ZSCAN25: variants seen among roughly 807,000 people sequenced by gnomAD.
ZSCAN25 encodes the protein zinc finger and SCAN domain-containing protein 25.
A neutral mutation model predicts 38.7 loss-of-function variants in ZSCAN25; 27 were observed. The observed-to-expected ratio is 0.70, with a 90% CI of 0.51 to 0.96. ZSCAN25 has a LOEUF of 0.96. Ranked by LOEUF, ZSCAN25 falls within the 40% of genes least tolerant of loss-of-function variation. The pLI is 0.00. For missense variants in ZSCAN25, 637 were observed against 705.9 expected (o/e 0.90, Z 1.11); for synonymous variants, 273 against 277.7 (o/e 0.98, Z 0.17).
chr7:99,693,880 A>G, the ZSCAN25 span, among the ~76,000 whole-genome samples: 2 of 152,210 alleles, frequency 1.3e-5, no homozygotes, highest in African/African-American at 4.8e-5. Flanking sequence ...AAATATACTT[A>G]ACCCTGCGTC....
chr7:99,652,567 C>T, the ZSCAN25 span: 1 of 1,608,388 alleles, frequency 6.2e-7, no homozygotes, highest in South Asian at 1.1e-5. Context: ...CAGGGCGGAA[C>T]TCCTCAGGCT....
chr7:99,673,534 T>C, the ZSCAN25 span, among the ~76,000 whole-genome samples: 2 of 152,218 alleles, frequency 1.3e-5, no homozygotes, highest in East Asian at 3.8e-4. Flanking sequence ...AAGTTTTGGC[T>C]TAAATTTAAA....
At chr7:99,687,246 A>G in the ZSCAN25 span, among the ~76,000 whole-genome samples, 3 of 152,200 alleles carry the variant, frequency 2.0e-5, no homozygotes, top group Non-Finnish European at 4.4e-5. Context: ...GGAACTTCAA[A>G]CCAATGGCAA....
the ZSCAN25 span, among the ~76,000 whole-genome samples, chr7:99,661,601 A>G: frequency 1.3e-5 from 2 of 152,330 alleles, no homozygotes; most frequent in East Asian, 1.9e-4. Context: ...CTGGATTAGG[A>G]CCTTTAGAGA....
chr7:99,625,944 C>T (rs1164029829), intron 7 of ZSCAN25, among the ~76,000 whole-genome samples: 2 of 152,168 alleles, frequency 1.3e-5, no homozygotes, highest in South Asian at 2.1e-4. Flanking sequence ...GATTCACACT[C>T]GGGTTGTCCT....
At position 99,628,324 on chromosome 7, in the gene ZSCAN25, C is replaced by T. The variant is rs117490718; in HGVS notation, c.806-867C>T. ...GTCATCTTGCCTAAAAGGACTCTTC[C>T]GCTTTAAGCACCACTTATTTCTCCT... On this transcript the variant is annotated intron_variant, in intron 7 of 7. Coordinates refer to ENST00000394152, the MANE Select transcript of ZSCAN25 (RefSeq NM_145115.3). Among the ~76,000 whole-genome samples the T allele has an allele frequency of 6.6e-5, 10 of 152,282 alleles. No homozygotes were observed. In the East Asian group the frequency reaches 1.3e-3, roughly 21 times the overall value.
At chr7:99,727,970 G>A in the ZSCAN25 span, among the ~76,000 whole-genome samples, 8 of 152,264 alleles carry the variant, frequency 5.3e-5, no homozygotes, top group East Asian at 1.5e-3. Flanking sequence ...CACTGCAAAG[G>A]CCATCAAAGG....
chr7:99,634,891 G>A (rs1808209314), downstream of ZSCAN25, among the ~76,000 whole-genome samples: 1 of 152,106 alleles, frequency 6.6e-6, no homozygotes, highest in African/African-American at 2.4e-5. Flanking sequence ...GCAGTGAGCC[G>A]AGATCATGCC....
the ZSCAN25 span, chr7:99,663,046 C>T: frequency 7.3e-7 from 1 of 1,366,474 alleles, no homozygotes; most frequent in Non-Finnish European, 9.5e-7. Context: ...AAACATTCAT[C>T]TAAATCCTTG....
At chr7:99,736,329 G>A in the ZSCAN25 span, among the ~76,000 whole-genome samples, 5 of 152,290 alleles carry the variant, frequency 3.3e-5, no homozygotes, top group South Asian at 1.0e-3. Context: ...GGACTCCAAT[G>A]AGGTGGTCCC....
chr7:99,671,117 T>TTGTGTGTGTGTGTGTGTGTGTG, the ZSCAN25 span: 1 of 141,822 alleles, frequency 7.1e-6, no homozygotes, highest in Non-Finnish European at 1.6e-5. Flanking sequence ...CACAGACCAT[T>TTGTGTGTGTGTGTGTGTGTGTG]TGTGTGTGTG....
chr7:99,702,518 G>A, the ZSCAN25 span, among the ~76,000 whole-genome samples: 2 of 152,148 alleles, frequency 1.3e-5, no homozygotes, highest in Non-Finnish European at 1.5e-5. Context: ...TTTCCCCAGT[G>A]TATGTTCTTG....
the ZSCAN25 span, among the ~76,000 whole-genome samples, chr7:99,649,464 A>G: frequency 6.6e-6 from 1 of 152,232 alleles, no homozygotes; most frequent in Non-Finnish European, 1.5e-5. Flanking sequence ...ACATAAGGTC[A>G]AGGAGTAAGG....
At chr7:99,736,098 T>C in the ZSCAN25 span, among the ~76,000 whole-genome samples, 1 of 152,170 alleles carries the variant, frequency 6.6e-6, no homozygotes, top group Admixed American at 6.5e-5. Context: ...TAGCATCAAT[T>C]TGTGCTTCTT....
the ZSCAN25 span, among the ~76,000 whole-genome samples, chr7:99,682,290 C>T: frequency 1.3e-5 from 2 of 152,256 alleles, no homozygotes; most frequent in East Asian, 1.9e-4. Flanking sequence ...CTTTCGTCCA[C>T]CTTGATTTGA....
the ZSCAN25 span, chr7:99,666,857 G>A: frequency 6.3e-7 from 1 of 1,587,350 alleles, no homozygotes; most frequent in African/African-American, 1.3e-5. Flanking sequence ...CGAACTCAGT[G>A]GACTACCCCT....
chr7:99,639,193 C>G, the ZSCAN25 span, among the ~76,000 whole-genome samples: 3 of 152,172 alleles, frequency 2.0e-5, no homozygotes, highest in Non-Finnish European at 4.4e-5. Flanking sequence ...GCAGAATCGA[C>G]TTTAGCTGAG....
the ZSCAN25 span, chr7:99,709,070 C>G: frequency 6.2e-7 from 1 of 1,613,978 alleles, no homozygotes; most frequent in Admixed American, 1.7e-5. Flanking sequence ...CTGTCCAGTA[C>G]TTTGGGTCAT....
At chr7:99,618,047 A>C (rs1308394632) in intron 1 of ZSCAN25, 1 of 152,246 alleles carries the variant, frequency 6.6e-6, no homozygotes, top group East Asian at 1.9e-4. Flanking sequence ...TCACAATAGA[A>C]TATTTAGCAG....
Sources: allele counts gnomAD v4.1 joint callset (sites outside exome capture counted in the v4.1 genomes callset), GRCh38; gene constraint gnomAD v4.1.1; transcripts MANE v1.5; gene names NCBI Gene and HGNC (gene_info 2026-07-23, HGNC 2026-07-21).